SRRM3: variants seen among roughly 807,000 people sequenced by gnomAD.
The protein encoded by SRRM3 is serine/arginine repetitive matrix 3, also known as serine/arginine repetitive matrix protein 3.
A neutral mutation model predicts 66.2 loss-of-function variants in SRRM3; 27 were observed. That is an observed-to-expected ratio of 0.41 (90% confidence interval 0.30 to 0.56). The LOEUF (loss-of-function observed/expected upper bound fraction) is 0.56, where lower values mean the gene tolerates loss of function less well. Among genes scored for constraint, SRRM3 ranks in the 20% least tolerant of loss-of-function variants. The probability of loss-of-function intolerance (pLI) is 0.32; values close to 1 mark genes in which losing one functional copy is unlikely to be tolerated. For synonymous variants in SRRM3, 391 were observed against 414.9 expected, an observed-to-expected ratio of 0.94 and a Z score of 0.70; for missense variants, 918 against 991.9, an observed-to-expected ratio of 0.93 and a Z score of 1.00.
intron 1 of SRRM3, among the ~76,000 whole-genome samples, chr7:76,215,793 AT>A (rs35624440): frequency 4.2e-3 from 406 of 96,822 alleles, no homozygotes; most frequent in African/African-American, 0.014. Flanking sequence ...CACCTGGCTA[AT>A]TTTTTTTTTT....
At chr7:76,265,745 T>G (rs1348448261) in intron 10 of SRRM3, among the ~76,000 whole-genome samples, 4 of 141,084 alleles carry the variant, frequency 2.8e-5, no homozygotes, top group Non-Finnish European at 6.1e-5. Flanking sequence ...ATTATTACTT[T>G]TATTATATAT....
intron 12 of SRRM3, 24 bp downstream of exon 12, chr7:76,281,826 G>A: frequency 7.5e-7 from 1 of 1,328,664 alleles, no homozygotes; most frequent in Non-Finnish European, 9.6e-7. Flanking sequence ...ACCCGGAGCT[G>A]GACTCCCGCC....
At chr7:76,220,673 G>T (rs1458299378) in intron 1 of SRRM3, among the ~76,000 whole-genome samples, 4 of 152,206 alleles carry the variant, frequency 2.6e-5, no homozygotes, top group African/African-American at 9.6e-5. Context: ...ACTGAAAAGG[G>T]GAGGGCAGAA....
rs1418264273 is a variant in SRRM3 at position 76,282,809 on chromosome 7, G to A, written c.1532G>A (p.Arg511His). The change falls in exon 13 of 15, where the codon CGC becomes CAC. Residue 511 changes from arginine to histidine, a missense_variant. Physicochemically the swap from Arg to His is conservative, Grantham distance 29 (BLOSUM62 0). Coordinates refer to ENST00000611745, the MANE Select transcript of SRRM3 (RefSeq NM_001110199.3). ...SSRSPSKSRS[R>H]SAEKRPHSPS... ...CGCTCGCCCTCCAAATCTCGCTCGC[G>A]CTCTGCGGAGAAGCGGCCCCACAGC... is the stretch of plus-strand genomic sequence containing the variant. The A allele has an allele frequency of 1.4e-6, 2 of 1,464,964 alleles. No homozygotes were observed. Among genetic ancestry groups the A allele is most frequent in the African/African-American group, 1.5e-5 (1 of 67,990 alleles). The allele number at this position is 1,464,964 out of a possible 1,614,324, so 90.7% of individuals were successfully genotyped here. A position where few individuals can be genotyped will look rare whatever the true frequency, so the allele number is the denominator to read the frequency against.
chr7:76,282,935 C>A, intron 13 of SRRM3, 29 bp from the exon 14 acceptor site: 2 of 1,314,846 alleles, frequency 1.5e-6, no homozygotes, highest in South Asian at 4.3e-5. Context: ...CGGGCCGCGT[C>A]GCTCACTTAC....
intron 1 of SRRM3, among the ~76,000 whole-genome samples, chr7:76,224,793 A>C (rs1429320251): frequency 6.6e-6 from 1 of 152,004 alleles, no homozygotes; most frequent in Non-Finnish European, 1.5e-5. Context: ...AGCTAGGGAG[A>C]CTCACATTTA....
chr7:76,229,978 A>G (rs6465036), intron 1 of SRRM3, among the ~76,000 whole-genome samples: 58,112 of 151,670 alleles, frequency 0.38, 13,282 homozygotes, highest in African/African-American at 0.62. Context: ...TCCTGACCTC[A>G]TGATCTGCCC....
chr7:76,204,273 A>G (rs11773549), intron 1 of SRRM3, among the ~76,000 whole-genome samples: 18,409 of 152,118 alleles, frequency 0.12, 2,254 homozygotes, highest in African/African-American at 0.31. Flanking sequence ...TTCCTGTCTC[A>G]GAAGCCTTCC....
chr7:76,221,616 C>T (rs371513087), intron 1 of SRRM3, among the ~76,000 whole-genome samples: 37 of 152,244 alleles, frequency 2.4e-4, no homozygotes, highest in African/African-American at 8.7e-4. Flanking sequence ...CCCGCCTCGG[C>T]CCCCCAAAGT....
In SRRM3 at chr7:76,248,243, G is replaced by C. The variant is rs1801489578; in HGVS notation, c.289G>C (p.Glu97Gln). ...GGGGACATTCCGGCAGATGCTGATG[G>C]AGAAGGAGGGAGTGCTCACCAGGGA... ...KVGTFRQMLM[E>Q]KEGVLTREDR... The change falls in exon 3 of 15, where the codon GAG becomes CAG. Residue 97 changes from glutamate (E) to glutamine (Q), a missense_variant. Coordinates refer to ENST00000611745, the MANE Select transcript of SRRM3 (RefSeq NM_001110199.3). 1.2e-6 allele frequency: 2 copies of C among 1,613,766 alleles called. No homozygotes were observed.
intron 1 of SRRM3, among the ~76,000 whole-genome samples, 152 bp downstream of exon 1, chr7:76,202,219 C>A (rs563622895): frequency 9.2e-5 from 14 of 152,272 alleles, no homozygotes; most frequent in Admixed American, 9.1e-4. Flanking sequence ...GGGTGCCAGG[C>A]GCCCGGGGAG....
chr7:76,244,523 CA>C (rs10611441), intron 2 of SRRM3, among the ~76,000 whole-genome samples: 43,786 of 112,016 alleles, frequency 0.39, 7,658 homozygotes, highest in Middle Eastern at 0.52. Flanking sequence ...GACTCCATCT[CA>C]AAAAAAAAAA....
intron 9 of SRRM3, 136 bp from the exon 10 acceptor site, chr7:76,265,228 A>T: frequency 1.7e-6 from 1 of 586,464 alleles, no homozygotes; most frequent in South Asian, 2.4e-5. Context: ...TTTATAGGAG[A>T]CTTTAGGGGA....
At chr7:76,269,369 A>T (rs917882716) in intron 11 of SRRM3, 3 of 152,106 alleles carry the variant, frequency 2.0e-5, no homozygotes, top group African/African-American at 7.2e-5. Flanking sequence ...CTGCATTCAG[A>T]TCCCTGCCTC....
chr7:76,282,846 G>T lies in SRRM3; in HGVS notation c.1569G>T (p.Ser523=). ...AGCGGCCCCACAGCCCCAGCCGCTC[G>T]CCGTCGCCCAAGAAGCCCCTCAGCC... The part of the protein sequence containing the change: ...AEKRPHSPSR[S]PSPKKPLSRD... The change falls in exon 13 of 15, where the codon TCG becomes TCT. Residue 523 remains serine, a synonymous_variant. Coordinates refer to ENST00000611745, the MANE Select transcript of SRRM3 (RefSeq NM_001110199.3). The T allele has an allele frequency of 2.1e-6, 3 of 1,453,818 alleles. No homozygotes were observed. The highest frequency in any genetic ancestry group is 2.7e-6 in the Non-Finnish European group (3 of 1,107,774). 90.1% of individuals were successfully genotyped at this position (1,453,818 alleles called of 1,614,324 possible). A position where few individuals can be genotyped will look rare whatever the true frequency, so the allele number is the denominator to read the frequency against.
At chr7:76,244,007 C>G (rs567392112) in intron 2 of SRRM3, among the ~76,000 whole-genome samples, 6 of 152,336 alleles carry the variant, frequency 3.9e-5, no homozygotes, top group African/African-American at 1.4e-4. Context: ...GAGGGCCACA[C>G]AGGGACTGAG....
intron 1 of SRRM3, among the ~76,000 whole-genome samples, chr7:76,205,851 C>T (rs1554601087): frequency 6.6e-6 from 1 of 152,224 alleles, no homozygotes; most frequent in African/African-American, 2.4e-5. Context: ...TTTGAAATCT[C>T]AGCTCCAATA....
At chr7:76,244,342 T>C (rs1280137342) in intron 2 of SRRM3, among the ~76,000 whole-genome samples, 1 of 151,926 alleles carries the variant, frequency 6.6e-6, no homozygotes, top group South Asian at 2.1e-4. Context: ...CTGGCCAACA[T>C]GGTGAAACCC....
intron 1 of SRRM3, among the ~76,000 whole-genome samples, chr7:76,203,787 G>C (rs1800220988): frequency 6.6e-6 from 1 of 152,188 alleles, no homozygotes; most frequent in Non-Finnish European, 1.5e-5. Context: ...CCTGGAGGCA[G>C]GAGAGTTACT....
Sources: gnomAD v4.1 joint callset for allele counts (sites outside exome capture counted in the v4.1 genomes callset) on GRCh38, gnomAD v4.1.1 for gene constraint, MANE v1.5 for transcripts, NCBI Gene and HGNC (gene_info 2026-07-23, HGNC 2026-07-21) for gene names.